KDM5A: variants seen among roughly 807,000 people sequenced by gnomAD.
The protein encoded by KDM5A is lysine-specific demethylase 5A.
Under a neutral mutation model 193.5 loss-of-function variants are expected in KDM5A, and 42 were observed. That is an observed-to-expected ratio of 0.22 (90% CI 0.17 to 0.28). The LOEUF is 0.28. KDM5A is among the 10% of genes least tolerant of loss of function. The pLI, the probability that KDM5A is intolerant of heterozygous loss-of-function variation, is 1.00. For synonymous variants in KDM5A, 796 were observed against 718.1 expected (o/e 1.11, Z -1.73); for missense variants, 1,692 against 2,055.1 (o/e 0.82, Z 3.42).
chr12:292,702 C>T, intron 27 of KDM5A, 57 bp downstream of exon 27: 1 of 1,610,228 alleles, frequency 6.2e-7, no homozygotes, highest in Non-Finnish European at 8.5e-7. Flanking sequence ...AAACATGTGT[C>T]TCCACAACTG....
chr12:349,304 GC>G lies in KDM5A; in HGVS notation c.1308+1316del, dbSNP rs1299469300. The stretch of plus-strand genomic sequence containing the variant: ...CAAAGTGCTGGGATTACAGGTGTGA[GC>G]CCCCGCGCCCAGCCATCTTCTAGAC... On this transcript the variant is annotated intron_variant, in intron 10 of 27. Coordinates refer to ENST00000399788, the MANE Select transcript of KDM5A (RefSeq NM_001042603.3). 3.4e-5 allele frequency among the ~76,000 whole-genome samples: 5 copies of G among 148,026 alleles called. No individual in the cohort carries two copies. In the East Asian group the frequency reaches 1.0e-3, roughly 30 times the overall value.
At chr12:371,396 C>T (rs1944425804) in intron 3 of KDM5A, among the ~76,000 whole-genome samples, 1 of 152,162 alleles carries the variant, frequency 6.6e-6, no homozygotes, top group Admixed American at 6.5e-5. Flanking sequence ...TGTCTGTTGG[C>T]TGCATAGATG....
chr12:314,257 G>A lies in KDM5A; in HGVS notation c.2898-1063C>T, dbSNP rs933972862. ...GTCACCCAGGCTGAAGTGCAGTGGC[G>A]CAATCTCAGCTCACTGCAACCGCTG... On this transcript the variant is annotated intron_variant, in intron 19 of 27. Transcript: ENST00000399788. 4.6e-5 allele frequency among the ~76,000 whole-genome samples: 7 copies of A among 152,060 alleles called. No homozygotes were observed. In the South Asian group the frequency reaches 1.0e-3, roughly 23 times the overall value.
chr12:349,900 CAG>C (rs1007031365), intron 10 of KDM5A, among the ~76,000 whole-genome samples: 41 of 151,732 alleles, frequency 2.7e-4, no homozygotes, highest in Non-Finnish European at 4.9e-4. Flanking sequence ...GAGGCCGAGA[CAG>C]GGGATCACCT....
chr12:371,216 G>C lies in KDM5A; in HGVS notation c.367-5112C>G, dbSNP rs370454211. Among the ~76,000 whole-genome samples, 6 of 152,302 alleles carry C rather than the reference G, an allele frequency of 3.9e-5. No homozygotes were observed. The East Asian group carries it at 1.2e-3, about 29-fold the overall frequency. ...ACTGTTTTCCACAATGGTTGAACTA[G>C]TTTATAGTCCCACTAACAGTGTAAA... On this transcript the variant is annotated intron_variant, in intron 3 of 27. Coordinates refer to ENST00000399788, the MANE Select transcript of KDM5A (RefSeq NM_001042603.3).
chr12:304,921 G>A (rs1344132580), intron 24 of KDM5A, among the ~76,000 whole-genome samples: 1 of 152,104 alleles, frequency 6.6e-6, no homozygotes, highest in African/African-American at 2.4e-5. Flanking sequence ...AGTATTCAAG[G>A]AAAAAGCTAA....
At chr12:382,883 G>C (rs1288774365) in intron 3 of KDM5A, among the ~76,000 whole-genome samples, 2 of 151,976 alleles carry the variant, frequency 1.3e-5, no homozygotes, top group African/African-American at 4.8e-5. Flanking sequence ...AGTGAGCCAA[G>C]ATCAGGCCAT....
chr12:382,248 A>G (rs1217843206), intron 3 of KDM5A, among the ~76,000 whole-genome samples: 1 of 152,074 alleles, frequency 6.6e-6, no homozygotes, highest in Non-Finnish European at 1.5e-5. Context: ...CCTAACCAAC[A>G]TGGAGAAACC....
At chr12:299,894 C>T (rs1402123290) in intron 24 of KDM5A, among the ~76,000 whole-genome samples, 47 of 148,694 alleles carry the variant, frequency 3.2e-4, no homozygotes, top group African/African-American at 1.1e-3. Context: ...AGTTGCAATC[C>T]CAGTCTCTGA....
intron 4 of KDM5A, 113 bp downstream of exon 4, chr12:365,821 A>C (rs1944349996): frequency 1.1e-6 from 1 of 886,390 alleles, no homozygotes; most frequent in Admixed American, 1.8e-5. Flanking sequence ...TATGATATAC[A>C]CTTTGCTTCC....
intron 13 of KDM5A, 59 bp downstream of exon 13, chr12:331,760 T>C (rs927348780): frequency 1.2e-6 from 2 of 1,605,054 alleles, no homozygotes; most frequent in African/African-American, 1.3e-5. Context: ...GCAACTAAGC[T>C]GCTTTATATT....
intron 3 of KDM5A, among the ~76,000 whole-genome samples, chr12:377,290 T>A (rs1944518617): frequency 2.0e-5 from 3 of 148,708 alleles, no homozygotes; most frequent in East Asian, 2.0e-4. Flanking sequence ...TAATAAAGAG[T>A]CAAAAAGAAG....
chr12:308,156 T>C (rs1047385757), intron 22 of KDM5A, 151 bp from the exon 23 acceptor site: 53 of 760,328 alleles, frequency 7.0e-5, no homozygotes, highest in Non-Finnish European at 1.0e-4. Context: ...ATGCAAACAT[T>C]CCTCAAGTGT....
rs369322292 is a variant in KDM5A at position 344,553 on chromosome 12, C to G, written c.1308+6068G>C. 5.9e-5 allele frequency among the ~76,000 whole-genome samples: 9 copies of G among 152,334 alleles called. No individual in the cohort carries two copies. The East Asian group carries it at 1.3e-3, about 23-fold the overall frequency. Reference sequence around the variant, plus strand: ...TACCCACAAAGGGAAGCCCATCAGACTAACAGCGGATCTCTCGGCAGAAAC... The same window carrying G: ...TACCCACAAAGGGAAGCCCATCAGAGTAACAGCGGATCTCTCGGCAGAAAC... On this transcript the variant is annotated intron_variant, in intron 10 of 27. Coordinates refer to ENST00000399788, the MANE Select transcript of KDM5A (RefSeq NM_001042603.3).
chr12:306,896 AC>A, intron 24 of KDM5A, 49 bp downstream of exon 24: 3 of 1,582,672 alleles, frequency 1.9e-6, no homozygotes, highest in Non-Finnish European at 1.7e-6. Context: ...TTTTTTTTAA[AC>A]AAACCCAATG....
chr12:360,617 G>A (rs1944282163), intron 5 of KDM5A, among the ~76,000 whole-genome samples: 1 of 152,188 alleles, frequency 6.6e-6, no homozygotes, highest in Non-Finnish European at 1.5e-5. Context: ...TGGTAACTTG[G>A]ACAGTGCAGT....
chr12:388,900 C>G (rs377375300), intron 1 of KDM5A, 27 bp downstream of exon 1: 4 of 1,612,728 alleles, frequency 2.5e-6, no homozygotes, highest in Non-Finnish European at 3.4e-6. Context: ...CTTCCTTCTC[C>G]CCCTCTCTCT....
At position 283,812 on chromosome 12, in the gene KDM5A, T is replaced by A. The variant is rs957240160; in HGVS notation, c.*1644A>T. On this transcript the variant is annotated 3_prime_UTR_variant, in exon 28 of 28. Transcript: ENST00000399788. ...ATGACAAAACACTATTTTTAGTCAT[T>A]TTTTTTTTTGTCCTTTAAAAAAAAA... 1 of 133,378 alleles carries A rather than the reference T, an allele frequency of 7.5e-6. No homozygotes were observed. Among genetic ancestry groups the A allele is most frequent in the African/African-American group, 8.9e-5 (1 of 11,248 alleles). 8.3% of individuals were successfully genotyped at this position (133,378 alleles called of 1,614,324 possible).
At chr12:356,631 G>C in intron 5 of KDM5A, 94 bp from the exon 6 acceptor site, 1 of 775,250 alleles carries the variant, frequency 1.3e-6, no homozygotes, top group Non-Finnish European at 2.2e-6. Context: ...TCTTCAACAC[G>C]GAAGAACAAA....
Sources: gnomAD v4.1 joint callset for allele counts (sites outside exome capture counted in the v4.1 genomes callset) on GRCh38, gnomAD v4.1.1 for gene constraint, MANE v1.5 for transcripts, NCBI Gene and HGNC (gene_info 2026-07-23, HGNC 2026-07-21) for gene names.